The following MCTP2 variants were observed in gnomAD, a reference collection of about 807,000 sequenced individuals.
MCTP2 encodes the protein multiple C2 and transmembrane domain containing 2, also known as multiple C2 and transmembrane domain-containing protein 2.
Under a neutral mutation model 111.6 loss-of-function variants are expected in MCTP2, and 132 were observed. That is an observed-to-expected ratio of 1.18 (90% CI 1.03 to 1.37). MCTP2 has a LOEUF of 1.37. MCTP2 is among the 40% of genes most tolerant of loss of function. The probability of loss-of-function intolerance (pLI) is 0.00; values close to 1 mark genes in which losing one functional copy is unlikely to be tolerated. For missense variants in MCTP2, 1,183 were observed against 1,067.9 expected (o/e 1.11, Z -1.50); for synonymous variants, 395 against 387.7 (o/e 1.02, Z -0.22).
intron 1 of MCTP2, among the ~76,000 whole-genome samples, chr15:94,243,522 TACAC>T (rs1360089941): frequency 7.1e-6 from 1 of 141,156 alleles, no homozygotes; most frequent in East Asian, 2.1e-4. Context: ...TATGCGTATG[TACAC>T]ACATACGTAT....
At chr15:94,400,062 C>A in intron 16 of MCTP2, 67 bp downstream of exon 16, 1 of 1,354,482 alleles carries the variant, frequency 7.4e-7, no homozygotes. Flanking sequence ...AGTATTAACA[C>A]TTGCCTGTAA....
rs771757622 is a variant in MCTP2, at chr15:94,356,206, A to G, written c.1075A>G (p.Ser359Gly). The G allele has an allele frequency of 3.7e-6, 6 of 1,613,630 alleles. No homozygotes were observed. The highest frequency in any genetic ancestry group is 1.1e-5 in the South Asian group (1 of 90,998). The change falls in exon 9 of 23, where the codon AGT becomes GGT. Residue 359 changes from serine to glycine, a missense_variant. Transcript: ENST00000357742. ...GAACCAACTCTGGAACGGGATTATA[A>G]GTATAACTTTGTTGGAAGGGAAGAA... ...KKNQLWNGII[S>G]ITLLEGKNVS...
intron 8 of MCTP2, among the ~76,000 whole-genome samples, chr15:94,348,879 A>G (rs1596439210): frequency 6.6e-6 from 1 of 151,970 alleles, no homozygotes; most frequent in African/African-American, 2.4e-5. Context: ...AACACCTGTT[A>G]CCTTTTTATT....
intron 17 of MCTP2, among the ~76,000 whole-genome samples, chr15:94,434,924 C>T (rs955298945): frequency 3.4e-5 from 5 of 148,964 alleles, no homozygotes; most frequent in East Asian, 2.0e-4. Flanking sequence ...AGTGAAGTGG[C>T]GCGATCTTAG....
chr15:94,372,026 CT>C (rs149437594), intron 12 of MCTP2, among the ~76,000 whole-genome samples: 3,042 of 152,212 alleles, frequency 0.02, 101 homozygotes, highest in African/African-American at 0.069. Context: ...AAGAAAGAGT[CT>C]TTGTAAAGAC....
At chr15:94,440,797 A>G (rs1158377569) in intron 18 of MCTP2, among the ~76,000 whole-genome samples, 9 of 152,184 alleles carry the variant, frequency 5.9e-5, no homozygotes, top group Admixed American at 4.6e-4. Flanking sequence ...GCTTAGATCC[A>G]TCTATTTGCA....
In MCTP2 at chr15:94,476,700, A is replaced by G; in HGVS notation, c.2475A>G (p.Ile825Met). ...PLRYIILIWG[I>M]NKFTKKLRNP... ...TCCTGTGTTTCTATTTTTCAGGCAT[A>G]AATAAATTTACTAAGAAGCTTCGAA... is the stretch of plus-strand genomic sequence containing the variant. Residue 825 changes from isoleucine (I) to methionine (M), a missense_variant, in exon 22 of 23, where the codon ATA becomes ATG. Ile to Met is a conservative substitution (Grantham distance 10, BLOSUM62 1). Coordinates refer to ENST00000357742, the MANE Select transcript of MCTP2 (RefSeq NM_001385001.1). 3 of 1,553,778 alleles carry G rather than the reference A, an allele frequency of 1.9e-6. No homozygotes were observed. Among genetic ancestry groups the G allele is most frequent in the Middle Eastern group, 3.4e-4 (2 of 5,940 alleles).
At chr15:94,313,202 C>T (rs986783259) in intron 2 of MCTP2, among the ~76,000 whole-genome samples, 2 of 152,154 alleles carry the variant, frequency 1.3e-5, no homozygotes, top group Non-Finnish European at 2.9e-5. Context: ...TGCCCATGTC[C>T]CCCCTCCACT....
intron 8 of MCTP2, among the ~76,000 whole-genome samples, chr15:94,349,818 T>TCAA (rs373349483): frequency 0.011 from 1,521 of 133,002 alleles, 57 homozygotes; most frequent in African/African-American, 0.038. Flanking sequence ...GGACTCTGTC[T>TCAA]GAAAAAAAAA....
At chr15:94,312,402 C>G (rs1240710169) in intron 2 of MCTP2, among the ~76,000 whole-genome samples, 1 of 152,174 alleles carries the variant, frequency 6.6e-6, no homozygotes, top group Non-Finnish European at 1.5e-5. Context: ...ATACCAAGAA[C>G]TAAGGGAGAG....
At chr15:94,414,474 T>G (rs943789917) in intron 17 of MCTP2, among the ~76,000 whole-genome samples, 11 of 152,170 alleles carry the variant, frequency 7.2e-5, no homozygotes, top group Non-Finnish European at 1.2e-4. Flanking sequence ...CGTTAAAAAA[T>G]ACATCGTGGT....
At position 94,471,206 on chromosome 15, in the gene MCTP2, G is replaced by A. The variant is rs764210505; in HGVS notation, c.2470+764G>A. On this transcript the variant is annotated intron_variant, in intron 21 of 22. Coordinates refer to ENST00000357742, the MANE Select transcript of MCTP2 (RefSeq NM_001385001.1). The stretch of plus-strand genomic sequence containing the variant: ...TGAAATGTTGGAGAAGCAGTTAGCC[G>A]TTCTCCGTAAAGGGTCTGCCAATCC... Among the ~76,000 whole-genome samples, 21 of 152,294 alleles carry A rather than the reference G, an allele frequency of 1.4e-4. No individual in the cohort carries two copies. The East Asian group carries it at 1.9e-3, about 14-fold the overall frequency.
At position 94,470,369 on chromosome 15, in the gene MCTP2, G is replaced by A. The variant is rs2073818861; in HGVS notation, c.2397G>A (p.Leu799=). 3.7e-6 allele frequency: 6 copies of A among 1,613,794 alleles called. No individual in the cohort carries two copies. The highest frequency in any genetic ancestry group is 5.1e-6 in the Non-Finnish European group (6 of 1,179,780). The change falls in exon 21 of 23, where the codon CTG becomes CTA. Residue 799 remains leucine, a synonymous_variant. Coordinates refer to ENST00000357742, the MANE Select transcript of MCTP2 (RefSeq NM_001385001.1). The part of the protein sequence containing the change: ...FNWTVPFLSS[L]ACLILAAATI... ...GGACGGTCCCCTTCCTTTCATCTCTGGCCTGTTTGATTCTGGCAGCAGCCA... is the reference window on the plus strand; with the variant it reads ...GGACGGTCCCCTTCCTTTCATCTCTAGCCTGTTTGATTCTGGCAGCAGCCA...
chr15:94,287,426 G>A (rs144922214), intron 1 of MCTP2, among the ~76,000 whole-genome samples: 111 of 152,206 alleles, frequency 7.3e-4, no homozygotes, highest in African/African-American at 2.7e-3. Flanking sequence ...GTCCAGGGGT[G>A]TATTAGCTTT....
At chr15:94,293,668 T>G (rs943756939) in intron 1 of MCTP2, among the ~76,000 whole-genome samples, 1 of 152,206 alleles carries the variant, frequency 6.6e-6, no homozygotes, top group Admixed American at 6.5e-5. Flanking sequence ...AGAATGGCTA[T>G]GCACATACCT....
At chr15:94,377,486 G>A (rs2079841819) in intron 12 of MCTP2, among the ~76,000 whole-genome samples, 1 of 152,178 alleles carries the variant, frequency 6.6e-6, no homozygotes, top group Non-Finnish European at 1.5e-5. Context: ...ATGACTTAGT[G>A]GTTTATAACT....
chr15:94,425,877 T>C (rs1236570322), intron 17 of MCTP2, among the ~76,000 whole-genome samples: 2 of 152,150 alleles, frequency 1.3e-5, no homozygotes, highest in Non-Finnish European at 2.9e-5. Context: ...TTTAATATCA[T>C]CCCAGAAAGC....
At chr15:94,262,549 T>A (rs2073246576) in intron 1 of MCTP2, among the ~76,000 whole-genome samples, 1 of 152,234 alleles carries the variant, frequency 6.6e-6, no homozygotes, top group African/African-American at 2.4e-5. Context: ...AGTATACATT[T>A]AAAATATTGC....
At chr15:94,435,572 G>A (rs1041256435) in intron 17 of MCTP2, among the ~76,000 whole-genome samples, 4 of 149,480 alleles carry the variant, frequency 2.7e-5, no homozygotes, top group Admixed American at 2.0e-4. Flanking sequence ...GATTCCTTAG[G>A]ATTTTGTACA....
Sources: gnomAD v4.1 joint callset for allele counts (sites outside exome capture counted in the v4.1 genomes callset) on GRCh38, gnomAD v4.1.1 for gene constraint, MANE v1.5 for transcripts, NCBI Gene and HGNC (gene_info 2026-07-23, HGNC 2026-07-21) for gene names.